NEGR1: variants seen among roughly 807,000 people sequenced by gnomAD.
NEGR1 encodes the protein neuronal growth regulator 1.
NEGR1 carries 10 observed loss-of-function variants against 40.9 expected under a neutral mutation model. The observed-to-expected ratio is 0.24, with a 90% CI of 0.15 to 0.42. NEGR1 has a LOEUF of 0.42. Ranked by LOEUF, NEGR1 falls within the 10% of genes least tolerant of loss-of-function variation. The probability of loss-of-function intolerance (pLI) is 1.00; values close to 1 mark genes in which losing one functional copy is unlikely to be tolerated. For synonymous variants in NEGR1, 185 were observed against 166.8 expected (o/e 1.11, Z -0.84); for missense variants, 352 against 438.9 (o/e 0.80, Z 1.77).
At chr1:72,124,681 A>G (rs1423091274) in intron 1 of NEGR1, among the ~76,000 whole-genome samples, 1 of 152,066 alleles carries the variant, frequency 6.6e-6, no homozygotes, top group African/African-American at 2.4e-5. Context: ...TAACTATCTT[A>G]TGTATGCTAG....
chr1:72,106,369 T>C (rs1428576606), intron 1 of NEGR1, among the ~76,000 whole-genome samples: 1 of 152,008 alleles, frequency 6.6e-6, no homozygotes, highest in African/African-American at 2.4e-5. Flanking sequence ...CCCAGGGACA[T>C]GCAAAATGAA....
chr1:71,593,338 G>A (rs1008085854), intron 5 of NEGR1, among the ~76,000 whole-genome samples: 3 of 152,150 alleles, frequency 2.0e-5, no homozygotes, highest in Non-Finnish European at 4.4e-5. Context: ...TCCACGGAAA[G>A]TACAAACTGA....
intron 2 of NEGR1, among the ~76,000 whole-genome samples, chr1:71,898,458 A>G (rs537091696): frequency 1.6e-4 from 24 of 152,170 alleles, no homozygotes; most frequent in Admixed American, 6.5e-4. Flanking sequence ...TACTAAAAAT[A>G]AGAAAAATTA....
intron 4 of NEGR1, among the ~76,000 whole-genome samples, chr1:71,691,897 C>CTAAAATTTAAT (rs1653296276): frequency 6.7e-6 from 1 of 149,006 alleles, no homozygotes; most frequent in Non-Finnish European, 1.5e-5. Flanking sequence ...TTTTAGAAAT[C>CTAAAATTTAAT]TGTTGAATTC....
At chr1:72,204,039 C>T (rs76550245) in intron 1 of NEGR1, among the ~76,000 whole-genome samples, 5,004 of 152,012 alleles carry the variant, frequency 0.033, 264 homozygotes, top group African/African-American at 0.11. Flanking sequence ...AGCAGTATTG[C>T]GATATTTGCT....
chr1:72,186,138 C>T (rs1652603678), intron 1 of NEGR1, among the ~76,000 whole-genome samples: 1 of 151,594 alleles, frequency 6.6e-6, no homozygotes, highest in Non-Finnish European at 1.5e-5. Flanking sequence ...TAGTAGTAGC[C>T]ACTCTTGTTC....
intron 1 of NEGR1, among the ~76,000 whole-genome samples, chr1:71,982,966 C>G (rs1646366244): frequency 1.3e-5 from 2 of 152,176 alleles, no homozygotes; most frequent in South Asian, 2.1e-4. Context: ...CAATATCTTT[C>G]TCGGGTGTTG....
At chr1:71,609,132 T>TA (rs1650159714) in intron 5 of NEGR1, among the ~76,000 whole-genome samples, 1 of 151,938 alleles carries the variant, frequency 6.6e-6, no homozygotes, top group Non-Finnish European at 1.5e-5. Context: ...TATAAATTAG[T>TA]AAAAAGAATT....
At chr1:71,759,596 C>CT (rs71074804) in intron 3 of NEGR1, among the ~76,000 whole-genome samples, 388 of 31,926 alleles carry the variant, frequency 0.012, 114 homozygotes, top group African/African-American at 0.035. Context: ...TGCGTCCAGG[C>CT]TTTTTTTTTT....
intron 2 of NEGR1, among the ~76,000 whole-genome samples, chr1:71,905,991 A>G (rs72931784): frequency 1.3e-5 from 2 of 152,032 alleles, no homozygotes; most frequent in Non-Finnish European, 2.9e-5. Flanking sequence ...GCCACCTAAT[A>G]TCTAATTAGG....
At chr1:71,838,788 C>G (rs1659131305) in intron 2 of NEGR1, among the ~76,000 whole-genome samples, 1 of 151,824 alleles carries the variant, frequency 6.6e-6, no homozygotes, top group Non-Finnish European at 1.5e-5. Context: ...GAATAAATGG[C>G]CTGAAATTAA....
chr1:71,868,420 AATAG>A (rs201609684), intron 2 of NEGR1, among the ~76,000 whole-genome samples: 58 of 143,464 alleles, frequency 4.0e-4, no homozygotes, highest in Middle Eastern at 7.5e-3. Context: ...CCTTAAATTA[AATAG>A]ATAGATGATA....
intron 1 of NEGR1, among the ~76,000 whole-genome samples, chr1:72,157,281 G>T (rs534071919): frequency 6.6e-6 from 1 of 152,200 alleles, no homozygotes; most frequent in Admixed American, 6.5e-5. Context: ...CTGTTTGTTT[G>T]TGTGTTTTAT....
intron 1 of NEGR1, among the ~76,000 whole-genome samples, chr1:71,943,367 C>T (rs972308958): frequency 2.0e-5 from 3 of 150,292 alleles, no homozygotes; most frequent in Admixed American, 6.6e-5. Flanking sequence ...GTATATATAA[C>T]ATTTTAAATG....
chr1:71,717,663 T>C (rs142282634), intron 3 of NEGR1, among the ~76,000 whole-genome samples: 351 of 152,348 alleles, frequency 2.3e-3, no homozygotes, highest in Middle Eastern at 6.8e-3. Flanking sequence ...CTTTAGATGC[T>C]GTTGTGGACT....
chr1:72,273,996 T>C (rs1327288459), intron 1 of NEGR1, among the ~76,000 whole-genome samples: 1 of 82,732 alleles, frequency 1.2e-5, no homozygotes, highest in East Asian at 2.7e-4. Context: ...CGTGTTGTTC[T>C]TTTTTTTTTT....
intron 4 of NEGR1, among the ~76,000 whole-genome samples, chr1:71,680,927 T>C (rs895828578): frequency 3.3e-5 from 5 of 152,228 alleles, no homozygotes; most frequent in Non-Finnish European, 7.3e-5. Context: ...GGGCAGTGAA[T>C]GCTGCAGTAA....
intron 1 of NEGR1, among the ~76,000 whole-genome samples, chr1:72,023,637 TA>T (rs1156416537): frequency 7.2e-6 from 1 of 139,118 alleles, no homozygotes; most frequent in African/African-American, 2.7e-5. Context: ...AATCCATGTT[TA>T]AAACATTTTA....
chr1:71,632,362 T>C (rs1177708807), intron 4 of NEGR1, among the ~76,000 whole-genome samples: 1 of 151,298 alleles, frequency 6.6e-6, no homozygotes, highest in Non-Finnish European at 1.5e-5. Context: ...GATATCATAA[T>C]CTCCAAAATA....
Sources: allele counts gnomAD v4.1 joint callset (sites outside exome capture counted in the v4.1 genomes callset), GRCh38; gene constraint gnomAD v4.1.1; transcripts MANE v1.5; gene names NCBI Gene and HGNC (gene_info 2026-07-23, HGNC 2026-07-21).